Variants in PTPRD observed in about 807,000 individuals in gnomAD.
The protein encoded by PTPRD is receptor-type tyrosine-protein phosphatase delta.
PTPRD carries 34 observed loss-of-function variants against 214.5 expected under a neutral mutation model. The ratio of observed to expected loss-of-function variants is 0.16; its 90% CI spans 0.12 to 0.21. The LOEUF (loss-of-function observed/expected upper bound fraction) is 0.21. Ranked by LOEUF, PTPRD falls within the 10% of genes least tolerant of loss-of-function variation. PTPRD has a pLI of 1.00. For missense variants in PTPRD, 2,545 were observed against 2,398.7 expected (o/e 1.06, Z -1.27); for synonymous variants, 1,128 against 845.7 (o/e 1.33, Z -5.79).
At chr9:8,581,476 C>T (rs571632788) in intron 14 of PTPRD, among the ~76,000 whole-genome samples, 15 of 152,296 alleles carry the variant, frequency 9.8e-5, no homozygotes, top group African/African-American at 3.6e-4. Flanking sequence ...GGGCCGGGCG[C>T]AGTGGCTCAC....
intron 3 of PTPRD, among the ~76,000 whole-genome samples, chr9:10,181,557 A>C (rs1275987869): frequency 6.6e-6 from 1 of 152,070 alleles, no homozygotes; most frequent in Admixed American, 6.5e-5. Context: ...GTTAAAGATC[A>C]TCAGTTGGTA....
intron 5 of PTPRD, among the ~76,000 whole-genome samples, chr9:9,781,000 G>C (rs553325468): frequency 6.6e-6 from 1 of 152,280 alleles, no homozygotes; most frequent in Admixed American, 6.5e-5. Flanking sequence ...ACAACATAAA[G>C]ATCAGTGATG....
intron 3 of PTPRD, among the ~76,000 whole-genome samples, chr9:10,107,702 T>G (rs768008441): frequency 1.1e-4 from 16 of 152,110 alleles, no homozygotes; most frequent in Admixed American, 2.0e-4. Context: ...TTCCACAGTA[T>G]CTGGTAAATG....
intron 3 of PTPRD, among the ~76,000 whole-genome samples, chr9:10,066,737 C>T (rs542986767): frequency 2.0e-5 from 3 of 152,050 alleles, no homozygotes; most frequent in African/African-American, 7.2e-5. Flanking sequence ...CACTCTTTGA[C>T]ACTTTCACTA....
chr9:9,962,630 C>T (rs527874565), intron 4 of PTPRD, among the ~76,000 whole-genome samples: 10 of 152,172 alleles, frequency 6.6e-5, no homozygotes, highest in South Asian at 2.1e-4. Flanking sequence ...TTACGATTAA[C>T]GGTAGACATA....
chr9:9,352,857 G>C (rs2051998723), intron 9 of PTPRD, among the ~76,000 whole-genome samples: 1 of 151,860 alleles, frequency 6.6e-6, no homozygotes, highest in Non-Finnish European at 1.5e-5. Context: ...AAAAAAGGTA[G>C]GACGTGGTTC....
chr9:10,380,588 T>C (rs1444893941), intron 2 of PTPRD, among the ~76,000 whole-genome samples: 1 of 152,064 alleles, frequency 6.6e-6, no homozygotes, highest in Non-Finnish European at 1.5e-5. Flanking sequence ...CCACAGTTTT[T>C]ATTCAAAAGG....
intron 2 of PTPRD, among the ~76,000 whole-genome samples, chr9:10,582,761 AAAAAACTACACACACC>A (rs2072395601): frequency 6.6e-6 from 1 of 152,206 alleles, no homozygotes; most frequent in South Asian, 2.1e-4. Context: ...AACACTAAAC[AAAAAACTACACACACC>A]ATTGAGATAA....
In PTPRD at chr9:8,664,910, T is replaced by C. The variant is rs1025237504; in HGVS notation, c.65-28066A>G. Among the ~76,000 whole-genome samples, 3 of 152,212 alleles carry C rather than the reference T, an allele frequency of 2.0e-5. No homozygotes were observed. The South Asian group carries it at 6.2e-4, about 32-fold the overall frequency. ...ACCATTCAACTTCTAACAATAACAG[T>C]ACACTGAAGACCTAATTCAATTGGC... On this transcript the variant is annotated intron_variant, in intron 12 of 45. Coordinates refer to ENST00000381196, the MANE Select transcript of PTPRD (RefSeq NM_002839.4).
At chr9:9,804,758 G>A (rs1446230352) in intron 5 of PTPRD, among the ~76,000 whole-genome samples, 2 of 151,470 alleles carry the variant, frequency 1.3e-5, no homozygotes, top group Non-Finnish European at 2.9e-5. Context: ...AGAGATATGA[G>A]GTGTGCTTTT....
At chr9:9,111,547 A>C (rs1209331720) in intron 10 of PTPRD, among the ~76,000 whole-genome samples, 2 of 152,154 alleles carry the variant, frequency 1.3e-5, no homozygotes, top group African/African-American at 4.8e-5. Context: ...CAAGGCCAAT[A>C]CACACTTTGG....
At chr9:9,919,723 G>A (rs1198727722) in intron 5 of PTPRD, among the ~76,000 whole-genome samples, 1 of 152,078 alleles carries the variant, frequency 6.6e-6, no homozygotes, top group Non-Finnish European at 1.5e-5. Flanking sequence ...AGAACAACGG[G>A]CTATATTAGG....
chr9:8,727,199 C>G (rs930163277), intron 12 of PTPRD, among the ~76,000 whole-genome samples: 1 of 152,126 alleles, frequency 6.6e-6, no homozygotes, highest in African/African-American at 2.4e-5. Flanking sequence ...AGATAACAAA[C>G]AGGTCACACT....
intron 2 of PTPRD, among the ~76,000 whole-genome samples, chr9:10,569,583 C>G (rs978720329): frequency 6.6e-6 from 1 of 150,978 alleles, no homozygotes; most frequent in African/African-American, 2.4e-5. Context: ...AGATACTATA[C>G]AAATATATTG....
At position 8,315,587 on chromosome 9, in the gene PTPRD, G is replaced by C. The variant is rs530526616; in HGVS notation, c.*2287C>G. ...TCTTCTCTGGTTCTGATGTAGGTTA[G>C]AGAGTCTCATTCTGAGGTAGCCTTC... On this transcript the variant is annotated 3_prime_UTR_variant, in exon 46 of 46. Coordinates refer to ENST00000381196, the MANE Select transcript of PTPRD (RefSeq NM_002839.4). The C allele has an allele frequency of 1.3e-4, 31 of 230,674 alleles. No homozygotes were observed. The highest frequency in any genetic ancestry group is 6.6e-4 in the African/African-American group (30 of 45,284). The allele number at this position is 230,674 out of a possible 1,614,324, so 14.3% of individuals were successfully genotyped here. A position where few individuals can be genotyped will look rare whatever the true frequency, so the allele number is the denominator to read the frequency against.
intron 17 of PTPRD, 154 bp from the exon 18 acceptor site, chr9:8,525,189 G>T: frequency 1.3e-6 from 1 of 758,266 alleles, no homozygotes; most frequent in Non-Finnish European, 2.4e-6. Flanking sequence ...GACAGAAAAT[G>T]ATGCGATGAG....
chr9:9,843,654 G>A (rs1184958843), intron 5 of PTPRD, among the ~76,000 whole-genome samples: 1 of 151,840 alleles, frequency 6.6e-6, no homozygotes, highest in Non-Finnish European at 1.5e-5. Context: ...AGCAATAGAT[G>A]AATATTTCTC....
At chr9:9,949,873 G>T (rs1449167847) in intron 4 of PTPRD, among the ~76,000 whole-genome samples, 1 of 152,138 alleles carries the variant, frequency 6.6e-6, no homozygotes, top group African/African-American at 2.4e-5. Flanking sequence ...TGACCGCATT[G>T]AGTTATTGAA....
chr9:10,179,630 T>A (rs1291235119), intron 3 of PTPRD, among the ~76,000 whole-genome samples: 1 of 152,088 alleles, frequency 6.6e-6, no homozygotes, highest in Non-Finnish European at 1.5e-5. Flanking sequence ...TATAGGTTTA[T>A]TGCATGCAAT....
Sources: allele counts gnomAD v4.1 joint callset (sites outside exome capture counted in the v4.1 genomes callset), GRCh38; gene constraint gnomAD v4.1.1; transcripts MANE v1.5; gene names NCBI Gene and HGNC (gene_info 2026-07-23, HGNC 2026-07-21).